The following SREBF1 variants were observed in gnomAD, a reference collection of about 807,000 sequenced individuals.
SREBF1 encodes sterol regulatory element binding transcription factor 1, also known as sterol regulatory element-binding protein 1.
A neutral mutation model predicts 100.1 loss-of-function variants in SREBF1; 45 were observed. The observed-to-expected ratio is 0.45, with a 90% CI of 0.35 to 0.58. SREBF1 has a LOEUF of 0.58. Ranked by LOEUF, SREBF1 falls within the 20% of genes least tolerant of loss-of-function variation. The pLI is 0.00. For synonymous variants in SREBF1, 657 were observed against 681.8 expected, an observed-to-expected ratio of 0.96 and a Z score of 0.57; for missense variants, 1,324 against 1,539.4, an observed-to-expected ratio of 0.86 and a Z score of 2.34.
Position 17,811,350 on chromosome 17 carries a change from G to A in SREBF1, c.*1272C>T. ...CACTGAAGATTGTGTGTATCGAGCT[G>A]TTTCTAAAAGATGTTTATTTTCCTT... is the stretch of plus-strand genomic sequence containing the variant. On this transcript the variant is annotated 3_prime_UTR_variant, in exon 19 of 19. Transcript: ENST00000261646. 1 of 239,230 alleles carries A rather than the reference G, an allele frequency of 4.2e-6. No homozygotes were observed. The highest frequency in any genetic ancestry group is 4.0e-5 in the South Asian group (1 of 24,998). The allele number at this position is 239,230 out of a possible 1,614,324, so 14.8% of individuals were successfully genotyped here.
At chr17:17,818,966 C>T (rs775827225) in intron 5 of SREBF1, 47 bp downstream of exon 5, 6 of 1,596,528 alleles carry the variant, frequency 3.8e-6, no homozygotes, top group Non-Finnish European at 5.1e-6. Context: ...CTGATCTGTT[C>T]CTTCCTAGGG....
At position 17,819,730 on chromosome 17, in the gene SREBF1, A is replaced by G. The variant is rs1372763693; in HGVS notation, c.524-5T>C. The G allele has an allele frequency of 6.3e-7, 1 of 1,597,056 alleles. No homozygotes were observed. Among genetic ancestry groups the G allele is most frequent in the Non-Finnish European group, 8.5e-7 (1 of 1,175,646 alleles). On this transcript the variant is annotated splice_polypyrimidine_tract_variant and splice_region_variant and intron_variant, in intron 2 of 18. Transcript: ENST00000261646. ...GGGTGTTCCCGGGAGGGCTTCCTGC[A>G]GAAATAAAGCATGGGGCTGCAGACA... is the stretch of plus-strand genomic sequence containing the variant.
Position 17,816,638 on chromosome 17 carries a change from G to A in SREBF1, c.1866C>T (p.Asp622=), listed in dbSNP as rs779537987. ...LGRPLPTSHL[D]LACSLLWNLI... The stretch of plus-strand genomic sequence containing the variant: ...GGTTCCAGAGGAGGCTACAAGCCAG[G>A]TCCAGGTGGGAGGTGGGCAGGGGCC... The change falls in exon 10 of 19, where the codon GAC becomes GAT. Residue 622 remains aspartate (D), a synonymous_variant. Transcript: ENST00000261646. 3.3e-5 allele frequency: 53 copies of A among 1,599,130 alleles called. No homozygotes were observed. Among genetic ancestry groups the A allele is most frequent in the Non-Finnish European group, 4.4e-5 (52 of 1,173,968 alleles).
intron 15 of SREBF1, 25 bp downstream of exon 15, chr17:17,814,590 C>CAGG: frequency 6.5e-7 from 1 of 1,537,766 alleles, no homozygotes; most frequent in South Asian, 1.2e-5. Flanking sequence ...CGGGACCAGG[C>CAGG]AGGAGGAACC....
At chr17:17,823,690 AG>A (rs2034288455) in intron 1 of SREBF1, 5 of 745,256 alleles carry the variant, frequency 6.7e-6, no homozygotes, top group Admixed American at 1.6e-4. Context: ...GCCCCGCCCC[AG>A]CCCCGCCCCG....
intron 12 of SREBF1, 191 bp downstream of exon 12, chr17:17,815,669 G>T: frequency 1.6e-6 from 1 of 641,776 alleles, no homozygotes. Flanking sequence ...ATCCCTGCAT[G>T]TGCTTCTGAA....
At position 17,812,679 on chromosome 17, in the gene SREBF1, G is replaced by A. The variant is rs759916156; in HGVS notation, c.3387C>T (p.His1129=). Residue 1129 remains histidine, a synonymous_variant, in exon 19 of 19, where the codon CAC becomes CAT. Transcript: ENST00000261646. ...LEKLGDRRLL[H]DCQQMLMRLG... The stretch of plus-strand genomic sequence containing the variant: ...GGCGCATGAGCATCTGCTGACAGTC[G>A]TGCAGCAGCCGGCGATCGCCAAGCT... The A allele has an allele frequency of 1.4e-5, 22 of 1,607,984 alleles. No individual in the cohort carries two copies. In the South Asian group the frequency reaches 1.6e-4, roughly 11 times the overall value.
At chr17:17,834,648 G>A (rs578234399) in intron 1 of SREBF1, among the ~76,000 whole-genome samples, 64 of 152,324 alleles carry the variant, frequency 4.2e-4, no homozygotes, top group African/African-American at 1.4e-3. Flanking sequence ...GTTCTGGAGA[G>A]ACAATGTTTT....
intron 1 of SREBF1, among the ~76,000 whole-genome samples, chr17:17,821,447 G>A (rs945824811): frequency 1.3e-5 from 2 of 152,146 alleles, no homozygotes; most frequent in African/African-American, 4.8e-5. Flanking sequence ...GCAGTCTAGG[G>A]CAGAGGGGGT....
At chr17:17,818,462 G>A in intron 5 of SREBF1, 88 bp from the exon 6 acceptor site, 2 of 912,914 alleles carry the variant, frequency 2.2e-6, no homozygotes, top group Non-Finnish European at 1.8e-6. Context: ...AGGGGGTGCG[G>A]AGCTGCTTTG....
chr17:17,831,494 G>A (rs1352508488), intron 1 of SREBF1, among the ~76,000 whole-genome samples: 1 of 152,138 alleles, frequency 6.6e-6, no homozygotes, highest in Non-Finnish European at 1.5e-5. Flanking sequence ...GGGTCCGACA[G>A]ACAAAGAGCA....
rs772003607 is a variant in SREBF1, at chr17:17,819,441, G to T, written c.725C>A (p.Pro242His). 3 of 1,613,808 alleles carry T rather than the reference G, an allele frequency of 1.9e-6. No individual in the cohort carries two copies. The highest frequency in any genetic ancestry group is 2.5e-6 in the Non-Finnish European group (3 of 1,180,038). The change falls in exon 4 of 19, where the codon CCC becomes CAC. Residue 242 changes from proline to histidine, a missense_variant. Physicochemically the swap from Pro to His is moderately conservative, Grantham distance 77. Transcript: ENST00000261646. ...CAGCGAGTCTGCCTTGATGAAGTGG[G>T]GCTGCAGCAGGACCTGAGGGTGGGA... ...QIQQVPVLLQ[P>H]HFIKADSLLL...
rs1442907123 is a variant in SREBF1, at chr17:17,811,673, C to T, written c.*949G>A. On this transcript the variant is annotated 3_prime_UTR_variant, in exon 19 of 19. Transcript: ENST00000261646. The stretch of plus-strand genomic sequence containing the variant: ...TCTTTGCTGTGAGATGACCAGGGGC[C>T]GGGATGGGGGAGGTGAGACGTGCCA... 6 of 451,392 alleles carry T rather than the reference C, an allele frequency of 1.3e-5. No homozygotes were observed. The highest frequency in any genetic ancestry group is 6.1e-5 in the African/African-American group (3 of 49,498). 28.0% of individuals were successfully genotyped at this position (451,392 alleles called of 1,614,324 possible).
chr17:17,834,910 A>T (rs2035137779), intron 1 of SREBF1, among the ~76,000 whole-genome samples: 1 of 152,132 alleles, frequency 6.6e-6, no homozygotes, highest in Admixed American at 6.6e-5. Flanking sequence ...GCTACTTGGG[A>T]GACTAAGGCA....
At chr17:17,814,153 G>T in intron 16 of SREBF1, 92 bp downstream of exon 16, 1 of 1,424,582 alleles carries the variant, frequency 7.0e-7, no homozygotes, top group Non-Finnish European at 9.6e-7. Context: ...TAACCCCATG[G>T]TCTTCTGCAG....
In SREBF1 at chr17:17,812,374, A is replaced by C; in HGVS notation, c.*248T>G. The C allele has an allele frequency of 1.7e-6, 1 of 588,130 alleles. No homozygotes were observed. The highest frequency in any genetic ancestry group is 2.1e-5 in the South Asian group (1 of 47,534). 36.4% of individuals were successfully genotyped at this position (588,130 alleles called of 1,614,324 possible). A position where few individuals can be genotyped will look rare whatever the true frequency, so the allele number is the denominator to read the frequency against. ...TGCAGAGCAAGGAGGGGGGCCCCCCAAAATGGCTCGGCCCCTGCAGTGCCC... is the reference window on the plus strand; with the variant it reads ...TGCAGAGCAAGGAGGGGGGCCCCCCCAAATGGCTCGGCCCCTGCAGTGCCC... On this transcript the variant is annotated 3_prime_UTR_variant, in exon 19 of 19. Coordinates refer to ENST00000261646, the MANE Select transcript of SREBF1 (RefSeq NM_004176.5).
chr17:17,825,134 C>G (rs1377215323), intron 1 of SREBF1, among the ~76,000 whole-genome samples: 1 of 152,160 alleles, frequency 6.6e-6, no homozygotes, highest in Non-Finnish European at 1.5e-5. Flanking sequence ...TACTTTGCTC[C>G]CCAGTTTCTG....
chr17:17,829,814 C>T (rs2034744835), intron 1 of SREBF1, among the ~76,000 whole-genome samples: 1 of 152,066 alleles, frequency 6.6e-6, no homozygotes, highest in Admixed American at 6.6e-5. Context: ...CCATGCCAAG[C>T]TAATTTTTTT....
chr17:17,815,752 G>C (rs554098807), intron 12 of SREBF1, 108 bp downstream of exon 12: 1 of 1,222,302 alleles, frequency 8.2e-7, no homozygotes, highest in East Asian at 2.5e-5. Context: ...CCATGGCAGG[G>C]AGAAGGACTG....
Sources: allele counts gnomAD v4.1 joint callset (sites outside exome capture counted in the v4.1 genomes callset), GRCh38; gene constraint gnomAD v4.1.1; transcripts MANE v1.5; gene names NCBI Gene and HGNC (gene_info 2026-07-23, HGNC 2026-07-21).